CHODL: variants seen among roughly 807,000 people sequenced by gnomAD.
The protein encoded by CHODL is transmembrane protein MT75.
A neutral mutation model predicts 34.5 loss-of-function variants in CHODL; 29 were observed. The observed-to-expected ratio is 0.84, with a 90% CI of 0.63 to 1.15. CHODL has a LOEUF of 1.15. Among genes scored for constraint, CHODL ranks in the 50% most tolerant of loss-of-function variants. The probability of loss-of-function intolerance (pLI) is 0.00; values close to 1 mark genes in which losing one functional copy is unlikely to be tolerated. For missense variants in CHODL, 332 were observed against 332.5 expected (o/e 1.00, Z 0.01); for synonymous variants, 125 against 116.1 (o/e 1.08, Z -0.49).
upstream of CHODL, among the ~76,000 whole-genome samples, chr21:18,243,827 G>A (rs2074104674): frequency 1.3e-5 from 2 of 152,096 alleles, no homozygotes; most frequent in African/African-American, 4.8e-5. Context: ...CAGTGTACCC[G>A]TGGCTTATGA....
At chr21:18,252,450 G>C (rs966175799) in intron 1 of CHODL, among the ~76,000 whole-genome samples, 1 of 152,076 alleles carries the variant, frequency 6.6e-6, no homozygotes, top group Non-Finnish European at 1.5e-5. Context: ...AAACTTTTCT[G>C]GGAATTAGGG....
At chr21:18,061,176 T>C (rs150141) in intron 2 of CHODL, among the ~76,000 whole-genome samples, 70,134 of 151,996 alleles carry the variant, frequency 0.46, 16,950 homozygotes, top group Middle Eastern at 0.53. Flanking sequence ...ATACTAACAC[T>C]ATGCCAGAAA....
chr21:18,245,844 T>C (rs2074134298), intron 1 of CHODL: 1 of 1,372,428 alleles, frequency 7.3e-7, no homozygotes, highest in African/African-American at 1.4e-5. Flanking sequence ...GGAACTGAAG[T>C]GTGGTCATTG....
chr21:18,084,100 C>T (rs961885970), intron 2 of CHODL, among the ~76,000 whole-genome samples: 4 of 152,166 alleles, frequency 2.6e-5, no homozygotes, highest in African/African-American at 9.7e-5. Context: ...TTTCCCCTTA[C>T]TGTTCTTGTG....
intron 1 of CHODL, among the ~76,000 whole-genome samples, chr21:17,981,210 T>A (rs112869999): frequency 2.8e-4 from 42 of 152,334 alleles, no homozygotes; most frequent in African/African-American, 1.0e-3. Context: ...CCCAGCTTCA[T>A]GAGCACAGTA....
chr21:18,216,239 G>A (rs1568940876), intron 2 of CHODL, among the ~76,000 whole-genome samples: 7 of 151,966 alleles, frequency 4.6e-5, no homozygotes, highest in Admixed American at 2.0e-4. Context: ...AGGGTGATTG[G>A]AATATCCATT....
In CHODL at chr21:17,979,305, T is replaced by C. The variant is rs2063696018; in HGVS notation, c.-144-48567T>C. On this transcript the variant is annotated intron_variant, in intron 1 of 6. Transcript: ENST00000400127. ...AGAGTTCTTGATAATTTTTGTTAGA[T>C]CAAATTTGCTGTAAGTAAAAGATTC... is the stretch of plus-strand genomic sequence containing the variant. Among the ~76,000 whole-genome samples the C allele has an allele frequency of 2.6e-5, 4 of 152,320 alleles. No individual in the cohort carries two copies. The South Asian group carries it at 8.3e-4, about 32-fold the overall frequency.
At chr21:18,256,906 G>A (rs1342909339) in intron 2 of CHODL, 64 bp from the exon 3 acceptor site, 3 of 1,586,630 alleles carry the variant, frequency 1.9e-6, no homozygotes, top group Admixed American at 1.7e-5. Flanking sequence ...GGATGTCAGA[G>A]TAGGACAGGC....
intron 2 of CHODL, among the ~76,000 whole-genome samples, chr21:18,196,302 A>C (rs931028521): frequency 1.3e-5 from 2 of 152,202 alleles, no homozygotes; most frequent in Non-Finnish European, 2.9e-5. Flanking sequence ...ATTGCTATAA[A>C]ATTTTCAACA....
intron 2 of CHODL, among the ~76,000 whole-genome samples, chr21:18,130,053 G>A (rs895931553): frequency 6.6e-6 from 1 of 152,072 alleles, no homozygotes; most frequent in Non-Finnish European, 1.5e-5. Flanking sequence ...GGAGCAAGGA[G>A]AAGGAATAGG....
At chr21:17,959,055 C>T (rs1049217128) in intron 1 of CHODL, among the ~76,000 whole-genome samples, 3 of 151,952 alleles carry the variant, frequency 2.0e-5, no homozygotes, top group Admixed American at 6.6e-5. Flanking sequence ...GATATAATTA[C>T]CCCCGCTAAA....
intron 1 of CHODL, among the ~76,000 whole-genome samples, chr21:17,990,694 T>C (rs1351856492): frequency 6.6e-6 from 1 of 152,098 alleles, no homozygotes; most frequent in Non-Finnish European, 1.5e-5. Flanking sequence ...GTTTTATTAA[T>C]ACAAAATAAT....
chr21:18,129,890 CTCTGTGTGTG>C (rs751404029), intron 2 of CHODL, among the ~76,000 whole-genome samples: 9,740 of 113,436 alleles, frequency 0.086, 332 homozygotes, highest in Middle Eastern at 0.14. Flanking sequence ...CTCTGTCTTT[CTCTGTGTGTG>C]TGTGTGTGTG....
chr21:17,959,268 C>G (rs916058982), intron 1 of CHODL, among the ~76,000 whole-genome samples: 9 of 152,124 alleles, frequency 5.9e-5, no homozygotes, highest in African/African-American at 1.9e-4. Context: ...GTAAAAATAA[C>G]ATGGTAATGA....
intron 2 of CHODL, among the ~76,000 whole-genome samples, chr21:18,164,745 T>G (rs2073133573): frequency 6.6e-6 from 1 of 152,162 alleles, no homozygotes; most frequent in Non-Finnish European, 1.5e-5. Flanking sequence ...CATCTCTACT[T>G]GGATTTATGA....
intron 2 of CHODL, among the ~76,000 whole-genome samples, chr21:18,122,978 A>G (rs2065498217): frequency 3.3e-5 from 5 of 152,174 alleles, no homozygotes; most frequent in Non-Finnish European, 1.5e-5. Context: ...TTTACTTCCT[A>G]TTTGAGATTA....
At chr21:18,068,165 AT>A (rs1299155722) in intron 2 of CHODL, among the ~76,000 whole-genome samples, 1 of 151,708 alleles carries the variant, frequency 6.6e-6, no homozygotes, top group African/African-American at 2.4e-5. Context: ...ATAAACTTCT[AT>A]TCAAGAGCAA....
At chr21:18,204,218 G>C (rs1006715144) in intron 2 of CHODL, among the ~76,000 whole-genome samples, 3 of 151,970 alleles carry the variant, frequency 2.0e-5, no homozygotes, top group African/African-American at 7.2e-5. Context: ...TTTGAGCAAG[G>C]CATAATTATT....
intron 2 of CHODL, among the ~76,000 whole-genome samples, chr21:18,124,114 A>G (rs2065513759): frequency 6.6e-6 from 1 of 152,174 alleles, no homozygotes; most frequent in South Asian, 2.1e-4. Flanking sequence ...TCTGCTTTCC[A>G]TAGCCCTAGG....
Sources: gnomAD v4.1 joint callset for allele counts (sites outside exome capture counted in the v4.1 genomes callset) on GRCh38, gnomAD v4.1.1 for gene constraint, MANE v1.5 for transcripts, NCBI Gene and HGNC (gene_info 2026-07-23, HGNC 2026-07-21) for gene names.